ATG12: variants seen among roughly 807,000 people sequenced by gnomAD.
ATG12 encodes ubiquitin-like protein ATG12.
ATG12 carries 19 observed loss-of-function variants against 17.6 expected under a neutral mutation model. The ratio of observed to expected loss-of-function variants is 1.08; its 90% CI spans 0.75 to 1.58. The LOEUF is 1.58. Among genes scored for constraint, ATG12 ranks in the 40% most tolerant of loss-of-function variants. The probability of loss-of-function intolerance (pLI) is 0.00; values close to 1 mark genes in which losing one functional copy is unlikely to be tolerated. For synonymous variants in ATG12, 75 were observed against 62.4 expected (o/e 1.20, Z -0.95); for missense variants, 214 against 162.0 (o/e 1.32, Z -1.74).
At position 115,828,691 on chromosome 5, in the gene ATG12, C is replaced by T. The variant is rs1016238352; in HGVS notation, c.*3113G>A. On this transcript the variant is annotated 3_prime_UTR_variant, in exon 4 of 4. Coordinates refer to ENST00000509910, the MANE Select transcript of ATG12 (RefSeq NM_004707.4). The stretch of plus-strand genomic sequence containing the variant: ...TATACAAAATTTCCTTTGTTTTTAG[C>T]TGTCATACTTTGCTAATCACAATTT... 1 of 152,146 alleles carries T rather than the reference C, an allele frequency of 6.6e-6. No individual in the cohort carries two copies. Among genetic ancestry groups the T allele is most frequent in the East Asian group, 1.9e-4 (1 of 5,198 alleles). The allele number at this position is 152,146 out of a possible 1,614,324, so 9.4% of individuals were successfully genotyped here.
At position 115,829,340 on chromosome 5, in the gene ATG12, C is replaced by G. The variant is rs1760769075; in HGVS notation, c.*2464G>C. ...AATGTCATGTAATCTGAGAAATACA[C>G]TGTACTTCGTTCTAGTAGATATTTA... On this transcript the variant is annotated 3_prime_UTR_variant, in exon 4 of 4. Coordinates refer to ENST00000509910, the MANE Select transcript of ATG12 (RefSeq NM_004707.4). 6.6e-6 allele frequency: 1 copy of G among 152,224 alleles called. No homozygotes were observed. Among genetic ancestry groups the G allele is most frequent in the Admixed American group, 6.5e-5 (1 of 15,284 alleles). The allele number at this position is 152,224 out of a possible 1,614,324, so 9.4% of individuals were successfully genotyped here. A position where few individuals can be genotyped will look rare whatever the true frequency, so the allele number is the denominator to read the frequency against.
intron 1 of ATG12, chr5:115,840,885 A>G: frequency 7.8e-7 from 1 of 1,288,286 alleles, no homozygotes; most frequent in Non-Finnish European, 1.0e-6. Context: ...AGCAGTCTTC[A>G]TTCTGCATAA....
chr5:115,831,988 C>T, intron 3 of ATG12, 125 bp from the exon 4 acceptor site: 1 of 835,760 alleles, frequency 1.2e-6, no homozygotes, highest in African/African-American at 1.7e-5. Context: ...ATGTTACAGG[C>T]TATCTCTTTC....
intron 1 of ATG12, chr5:115,838,400 G>T (rs1210794563): frequency 2.0e-5 from 3 of 152,220 alleles, no homozygotes; most frequent in Non-Finnish European, 4.4e-5. Flanking sequence ...ACTTTTAACT[G>T]CCTGGGGTTC....
chr5:115,837,779 T>A lies in ATG12; in HGVS notation c.164-15A>T. The A allele has an allele frequency of 6.3e-7, 1 of 1,580,106 alleles. No individual in the cohort carries two copies. The highest frequency in any genetic ancestry group is 8.6e-7 in the Non-Finnish European group (1 of 1,167,632). On this transcript the variant is annotated splice_polypyrimidine_tract_variant and intron_variant, in intron 1 of 3. Transcript: ENST00000509910. Reference sequence around the variant, plus strand: ...CAAAATGTCAACTGTAAAAGAAGAATAAAATTTACTGACAATTACACTGAA... The same window carrying A: ...CAAAATGTCAACTGTAAAAGAAGAAAAAAATTTACTGACAATTACACTGAA...
At chr5:115,837,927 CA>C (rs1162914150) in intron 1 of ATG12, 163 bp from the exon 2 acceptor site, 85 of 625,172 alleles carry the variant, frequency 1.4e-4, no homozygotes, top group African/African-American at 1.3e-3. Flanking sequence ...TCTTTTCCAT[CA>C]TTTTTTTCTT....
chr5:115,840,964 T>A, intron 1 of ATG12: 1 of 1,105,432 alleles, frequency 9.0e-7, no homozygotes, highest in Non-Finnish European at 1.2e-6. Flanking sequence ...AAAAGCGAGT[T>A]AAGTTGGAAG....
intron 1 of ATG12, among the ~76,000 whole-genome samples, chr5:115,840,224 AG>A (rs1222770620): frequency 1.3e-5 from 2 of 152,106 alleles, no homozygotes; most frequent in African/African-American, 2.4e-5. Context: ...TAAAGTGGGA[AG>A]GGGGGCAGTC....
At chr5:115,839,521 A>G (rs1165626383) in intron 1 of ATG12, 1 of 152,222 alleles carries the variant, frequency 6.6e-6, no homozygotes, top group Admixed American at 6.5e-5. Flanking sequence ...AGGAAATATC[A>G]TGAGTTATGC....
chr5:115,829,301 T>C lies in ATG12; in HGVS notation c.*2503A>G, dbSNP rs1189012002. On this transcript the variant is annotated 3_prime_UTR_variant, in exon 4 of 4. Coordinates refer to ENST00000509910, the MANE Select transcript of ATG12 (RefSeq NM_004707.4). ...AGGCTTTCTCACTTTGTGTTACAAC[T>C]AAATTGGTTGACTAATGTCATGTAA... 6.6e-6 allele frequency: 1 copy of C among 152,244 alleles called. No homozygotes were observed. Among genetic ancestry groups the C allele is most frequent in the Non-Finnish European group, 1.5e-5 (1 of 68,034 alleles). The allele number at this position is 152,244 out of a possible 1,614,324, so 9.4% of individuals were successfully genotyped here.
Position 115,830,201 on chromosome 5 carries a change from T to C in ATG12, c.*1603A>G, listed in dbSNP as rs1315783317. The C allele has an allele frequency of 2.0e-5, 3 of 150,608 alleles. No individual in the cohort carries two copies. Among genetic ancestry groups the C allele is most frequent in the African/African-American group, 4.9e-5 (2 of 40,968 alleles). 9.3% of individuals were successfully genotyped at this position (150,608 alleles called of 1,614,324 possible). A position where few individuals can be genotyped will look rare whatever the true frequency, so the allele number is the denominator to read the frequency against. Reference sequence around the variant, plus strand: ...AGGAAAGAAAACAAATAAGGTTAGCTACATATTTAGCTAACCTTAGATTTA... The same window carrying C: ...AGGAAAGAAAACAAATAAGGTTAGCCACATATTTAGCTAACCTTAGATTTA... On this transcript the variant is annotated 3_prime_UTR_variant, in exon 4 of 4. Transcript: ENST00000509910.
rs148137398 is a variant in ATG12 at position 115,841,531 on chromosome 5, C to G, written c.22G>C (p.Val8Leu). The G allele has an allele frequency of 6.2e-6, 10 of 1,613,464 alleles. No individual in the cohort carries two copies. Among genetic ancestry groups the G allele is most frequent in the African/African-American group, 5.3e-5 (4 of 74,942 alleles). The change falls in exon 1 of 4, where the codon GTG becomes CTG. Residue 8 changes from valine to leucine, a missense_variant. Val to Leu is a conservative substitution (Grantham distance 32, BLOSUM62 1). Coordinates refer to ENST00000509910, the MANE Select transcript of ATG12 (RefSeq NM_004707.4). ...GCAATTGAAGTAGGAAGCTGCAACA[C>G]AGACTGCGGCTCCTCCGCCATCTTG... is the stretch of plus-strand genomic sequence containing the variant. MAEEPQS[V>L]LQLPTSIAAG...
intron 1 of ATG12, chr5:115,838,578 T>C (rs916211056): frequency 1.3e-5 from 2 of 152,248 alleles, no homozygotes; most frequent in African/African-American, 4.8e-5. Flanking sequence ...AGGCAATGAT[T>C]ACTTGGATTT....
intron 2 of ATG12, among the ~76,000 whole-genome samples, chr5:115,836,086 T>C (rs1761086949): frequency 6.6e-6 from 1 of 152,210 alleles, no homozygotes; most frequent in Admixed American, 6.5e-5. Flanking sequence ...TAGTTTAATC[T>C]AGGAAAATGA....
intron 2 of ATG12, 97 bp from the exon 3 acceptor site, chr5:115,832,761 C>A: frequency 1.7e-6 from 2 of 1,204,596 alleles, no homozygotes; most frequent in South Asian, 4.0e-5. Flanking sequence ...GTATTGTTTT[C>A]ACAATTGAAG....
rs1270324814 is a variant in ATG12, at chr5:115,830,554, T to C, written c.*1250A>G. ...CGATTTACTAGAATGCCTTTTTTTT[T>C]CTTTTTTGAGATGGGGTCTCACTCT... On this transcript the variant is annotated 3_prime_UTR_variant, in exon 4 of 4. Coordinates refer to ENST00000509910, the MANE Select transcript of ATG12 (RefSeq NM_004707.4). The C allele has an allele frequency of 1.3e-5, 2 of 152,160 alleles. No homozygotes were observed. Among genetic ancestry groups the C allele is most frequent in the Non-Finnish European group, 2.9e-5 (2 of 68,028 alleles). The allele number at this position is 152,160 out of a possible 1,614,324, so 9.4% of individuals were successfully genotyped here.
chr5:115,838,524 GGAA>G (rs1471235107), intron 1 of ATG12: 1 of 152,130 alleles, frequency 6.6e-6, no homozygotes, highest in East Asian at 1.9e-4. Context: ...ACATAAATAT[GGAA>G]GAATATGCAA....
chr5:115,838,054 A>G (rs1436451441), intron 1 of ATG12: 2 of 247,810 alleles, frequency 8.1e-6, no homozygotes, highest in Non-Finnish European at 1.5e-5. Context: ...TAAGTTCACA[A>G]AAAGCAAAGT....
chr5:115,837,629 A>G lies in ATG12; in HGVS notation c.299T>C (p.Leu100Ser). The G allele has an allele frequency of 6.2e-7, 1 of 1,610,650 alleles. No homozygotes were observed. The highest frequency in any genetic ancestry group is 1.1e-5 in the South Asian group (1 of 90,650). Residue 100 changes from leucine (L) to serine (S), a missense_variant and splice_region_variant, in exon 2 of 4, where the codon TTG becomes TCG. Leu to Ser is a moderately radical substitution (Grantham distance 145). Coordinates refer to ENST00000509910, the MANE Select transcript of ATG12 (RefSeq NM_004707.4). ...KFLKLVASEQ[L>S]FIYVNQSFAP... ...AAAACATCACCATTGGTTTCATACC[A>G]ACTGTTCTGAGGCCACAAGTTTAAG...
Sources: allele counts gnomAD v4.1 joint callset (sites outside exome capture counted in the v4.1 genomes callset), GRCh38; gene constraint gnomAD v4.1.1; transcripts MANE v1.5; gene names NCBI Gene and HGNC (gene_info 2026-07-23, HGNC 2026-07-21).